TJP1: variants seen among roughly 807,000 people sequenced by gnomAD.
The protein encoded by TJP1 is tight junction protein ZO-1.
In TJP1, 43 loss-of-function variants were observed where a neutral mutation model predicts 194.2. The observed-to-expected ratio is 0.22, with a 90% CI of 0.17 to 0.29. TJP1 has a LOEUF of 0.29. TJP1 is among the 10% of genes least tolerant of loss of function. The pLI, the probability that TJP1 is intolerant of heterozygous loss-of-function variation, is 1.00. For synonymous variants in TJP1, 801 were observed against 779.0 expected (o/e 1.03, Z -0.47); for missense variants, 1,971 against 2,185.7 (o/e 0.90, Z 1.96).
intron 2 of TJP1, among the ~76,000 whole-genome samples, chr15:29,850,728 T>A (rs571740551): frequency 1.0e-3 from 157 of 151,856 alleles, no homozygotes; most frequent in Non-Finnish European, 1.4e-3. Flanking sequence ...ACACCTGCAA[T>A]CCCAGCACTT....
intron 2 of TJP1, among the ~76,000 whole-genome samples, chr15:29,946,497 C>T (rs533213191): frequency 6.6e-6 from 1 of 152,340 alleles, no homozygotes; most frequent in South Asian, 2.1e-4. Flanking sequence ...TCAGGGCATG[C>T]GCCCTGATGC....
chr15:29,904,609 C>T (rs2053746196), intron 2 of TJP1, among the ~76,000 whole-genome samples: 1 of 151,226 alleles, frequency 6.6e-6, no homozygotes, highest in Admixed American at 6.6e-5. Flanking sequence ...GATTTCAACA[C>T]CACTAGTAAT....
chr15:29,864,583 C>T (rs1016516003), intron 2 of TJP1, among the ~76,000 whole-genome samples: 4 of 152,094 alleles, frequency 2.6e-5, no homozygotes, highest in African/African-American at 9.7e-5. Context: ...GCATCTGGGC[C>T]GGGTTCAACT....
At chr15:29,727,013 T>A in intron 16 of TJP1, 22 bp from the exon 17 acceptor site, 1 of 1,600,436 alleles carries the variant, frequency 6.2e-7, no homozygotes. Flanking sequence ...AAGAAAAATA[T>A]ATACAAAGAC....
intron 27 of TJP1, among the ~76,000 whole-genome samples, chr15:29,703,216 C>T (rs891747447): frequency 6.6e-5 from 10 of 151,946 alleles, no homozygotes; most frequent in Non-Finnish European, 1.5e-4. Flanking sequence ...TCTGGGAGGC[C>T]GAGGCGGGTG....
At position 29,701,685 on chromosome 15, in the gene TJP1, A is replaced by G. The variant is rs750272163; in HGVS notation, c.5217T>C (p.Asp1739=). 1.2e-6 allele frequency: 2 copies of G among 1,613,476 alleles called. 1 individual carries two copies. The highest frequency in any genetic ancestry group is 2.2e-5 in the South Asian group (2 of 91,066). ...ALKSSDSSSG[D]PKTWQNKCLP... ...GACACTTGTTTTGCCAGGTTTTAGGATCACCTATGAGAGAAAAGAAGTTGA... is the reference window on the plus strand; with the variant it reads ...GACACTTGTTTTGCCAGGTTTTAGGGTCACCTATGAGAGAAAAGAAGTTGA... Residue 1739 remains aspartate, a synonymous_variant, in exon 28 of 28, where the codon GAT becomes GAC. Transcript: ENST00000614355.
chr15:29,878,844 G>T (rs1215762793), intron 2 of TJP1, among the ~76,000 whole-genome samples: 3 of 152,206 alleles, frequency 2.0e-5, no homozygotes, highest in Non-Finnish European at 2.9e-5. Context: ...GCCCATGCTG[G>T]CCGGGCGCGG....
chr15:29,862,866 T>TCGCG (rs2052141838), intron 2 of TJP1, among the ~76,000 whole-genome samples: 3 of 150,902 alleles, frequency 2.0e-5, no homozygotes, highest in Non-Finnish European at 3.0e-5. Context: ...GCCAGGATGG[T>TCGCG]CGCGATCTCC....
At chr15:29,817,038 A>G (rs2151979375) in intron 1 of TJP1, among the ~76,000 whole-genome samples, 1 of 152,338 alleles carries the variant, frequency 6.6e-6, no homozygotes, top group South Asian at 2.1e-4. Context: ...GAATGGGAGA[A>G]AAACTTTTGC....
rs1262454990 is a variant in TJP1, at chr15:29,733,094, C to A, written c.1736G>T (p.Arg579Ile). The A allele has an allele frequency of 6.2e-7, 1 of 1,613,060 alleles. No homozygotes were observed. The highest frequency in any genetic ancestry group is 8.5e-7 in the Non-Finnish European group (1 of 1,179,206). The change falls in exon 13 of 28, where the codon AGA becomes ATA. Residue 579 changes from arginine (R) to isoleucine (I), a missense_variant and splice_region_variant. Around this residue, in one of 5 missense-constraint regions of TJP1, gnomAD observed 402 missense variants for 484.2 expected, o/e 0.83. Transcript: ENST00000614355. The stretch of plus-strand genomic sequence containing the variant: ...ATGAGAAGTATCCAAGCATTCATAC[C>A]TGTTCTTATTAGGGATGATGCCTCG... ...VERGIIPNKN[R>I]AEQLASVQYT... is the part of the protein sequence containing the mutation.
Position 29,773,499 on chromosome 15 carries a change from C to A in TJP1, c.85-142G>T, listed in dbSNP as rs182054291. On this transcript the variant is annotated intron_variant, in intron 2 of 27. Transcript: ENST00000614355. ...CCATAAACACTCACCTGCATGGTTA[C>A]CTATTAGAATTATCCTTGTACAAGA... 12 of 745,708 alleles carry A rather than the reference C, an allele frequency of 1.6e-5. No homozygotes were observed. In the African/African-American group the frequency reaches 2.1e-4, roughly 13 times the overall value. 46.2% of individuals were successfully genotyped at this position (745,708 alleles called of 1,614,324 possible). A position where few individuals can be genotyped will look rare whatever the true frequency, so the allele number is the denominator to read the frequency against.
At chr15:29,748,886 T>C (rs2045015121) in intron 8 of TJP1, among the ~76,000 whole-genome samples, 2 of 152,064 alleles carry the variant, frequency 1.3e-5, no homozygotes, top group African/African-American at 2.4e-5. Flanking sequence ...CCTCACATAA[T>C]TCTATCCTAA....
chr15:29,925,120 T>C (rs1371747474), intron 2 of TJP1, among the ~76,000 whole-genome samples: 1 of 152,210 alleles, frequency 6.6e-6, no homozygotes, highest in Non-Finnish European at 1.5e-5. Context: ...CCAGGGGTTG[T>C]GGCAGTCTAC....
chr15:29,716,558 C>T (rs2042574685), intron 23 of TJP1, 53 bp downstream of exon 23: 1 of 1,319,352 alleles, frequency 7.6e-7, no homozygotes. Flanking sequence ...TATTGAACTG[C>T]ACGGGATTAA....
intron 2 of TJP1, among the ~76,000 whole-genome samples, chr15:29,838,748 T>C (rs1254525057): frequency 1.3e-4 from 20 of 152,088 alleles, no homozygotes; most frequent in Admixed American, 1.3e-3. Flanking sequence ...TCTCTCATGT[T>C]ACTCCTTACA....
At chr15:29,761,504 G>A in intron 7 of TJP1, 97 bp downstream of exon 7, 3 of 1,448,348 alleles carry the variant, frequency 2.1e-6, no homozygotes, top group Non-Finnish European at 1.9e-6. Flanking sequence ...TGTTTGGCTG[G>A]TAGAAAATTA....
Position 29,718,763 on chromosome 15 carries a change from C to G in TJP1, c.3379G>C (p.Gly1127Arg), listed in dbSNP as rs750900554. The G allele has an allele frequency of 1.2e-6, 2 of 1,614,178 alleles. No homozygotes were observed. Among genetic ancestry groups the G allele is most frequent in the Non-Finnish European group, 1.7e-6 (2 of 1,180,028 alleles). Reference sequence around the variant, plus strand: ...GGCTCTTCAAAACGTGGAAAGTACCCTCGTTCTGAGGACTCTTCGGGATGC... The same window carrying G: ...GGCTCTTCAAAACGTGGAAAGTACCGTCGTTCTGAGGACTCTTCGGGATGC... ...RQHPEESSER[G>R]YFPRFEEPAP... The change falls in exon 21 of 28, where the codon GGG becomes CGG. Residue 1127 changes from glycine (G) to arginine (R), a missense_variant. Around this residue, in one of 5 missense-constraint regions of TJP1, gnomAD observed 1,108 missense variants for 1,128.5 expected, o/e 0.98. Coordinates refer to ENST00000614355, the MANE Select transcript of TJP1 (RefSeq NM_001330239.4).
intron 1 of TJP1, chr15:29,968,401 C>T: frequency 2.0e-6 from 2 of 985,228 alleles, no homozygotes; most frequent in Non-Finnish European, 2.4e-6. Context: ...GCGTCCCGGC[C>T]GCTCCCCGTC....
At chr15:29,794,571 C>T (rs2048289653) in intron 2 of TJP1, among the ~76,000 whole-genome samples, 1 of 152,142 alleles carries the variant, frequency 6.6e-6, no homozygotes, top group African/African-American at 2.4e-5. Flanking sequence ...GAGGATCTTT[C>T]CCACTTTCCC....
Sources: gnomAD v4.1 joint callset for allele counts (sites outside exome capture counted in the v4.1 genomes callset) on GRCh38, gnomAD v4.1.1 for gene constraint, gnomAD v4.1.1 regional missense constraint, MANE v1.5 for transcripts, NCBI Gene and HGNC (gene_info 2026-07-23, HGNC 2026-07-21) for gene names.